The following TRPM4 variants were observed in gnomAD, a reference collection of about 807,000 sequenced individuals.
TRPM4 encodes the protein calcium-activated non-selective cation channel 1.
Under a neutral mutation model 135.6 loss-of-function variants are expected in TRPM4, and 124 were observed. The observed-to-expected ratio is 0.91, with a 90% CI of 0.79 to 1.06. The LOEUF (loss-of-function observed/expected upper bound fraction) is 1.06, where lower values mean the gene tolerates loss of function less well. TRPM4 is among the 50% of genes least tolerant of loss of function. The probability of loss-of-function intolerance (pLI) is 0.00; values close to 1 mark genes in which losing one functional copy is unlikely to be tolerated. For synonymous variants in TRPM4, 745 were observed against 705.6 expected, an observed-to-expected ratio of 1.06 and a Z score of -0.88; for missense variants, 1,658 against 1,671.4, an observed-to-expected ratio of 0.99 and a Z score of 0.14.
At chr19:49,176,577 G>A (rs1252038748) in intron 9 of TRPM4, among the ~76,000 whole-genome samples, 5 of 152,100 alleles carry the variant, frequency 3.3e-5, no homozygotes, top group African/African-American at 4.8e-5. Context: ...AGCTTGGGCC[G>A]GGTACAGTGG....
In TRPM4 at chr19:49,168,723, G is replaced by A. The variant is rs111930830; in HGVS notation, c.783G>A (p.Lys261=). 27,231 of 1,591,836 alleles carry A rather than the reference G, an allele frequency of 0.017. 376 individuals carry two copies. The highest frequency in any genetic ancestry group is 0.035 in the South Asian group (3,096 of 88,130). The part of the protein sequence containing the change: ...LRLESYISQQ[K]TGVGGTGIDI... ...TGGAGTCCTACATCTCACAGCAGAA[G>A]ACGGGCGTGGGAGGTGAGTGGTCGA... Residue 261 remains lysine, a synonymous_variant, in exon 6 of 25, where the codon AAG becomes AAA. Transcript: ENST00000252826.
intron 20 of TRPM4, among the ~76,000 whole-genome samples, chr19:49,203,229 G>T (rs1052502386): frequency 6.6e-6 from 1 of 150,868 alleles, no homozygotes; most frequent in African/African-American, 2.4e-5. Context: ...GCCCAGGCTG[G>T]AGTGCAATGG....
At chr19:49,200,484 G>A (rs1968878218) in intron 18 of TRPM4, 52 bp downstream of exon 18, 3 of 1,416,598 alleles carry the variant, frequency 2.1e-6, no homozygotes, top group South Asian at 1.2e-5. Context: ...AAGGGGTGGG[G>A]CCAGGGAGGG....
rs200865924 is a variant in TRPM4 at position 49,183,095 on chromosome 19, C to G, written c.1626C>G (p.Asp542Glu). ...GFGESMYLLS[D>E]KATSPLSLDA... ...GCTGGCAGATGTATCTGCTCTCGGA[C>G]AAGGCCACCTCGCCGCTCTCGCTGG... is the stretch of plus-strand genomic sequence containing the variant. The change falls in exon 12 of 25, where the codon GAC becomes GAG. Residue 542 changes from aspartate (D) to glutamate (E), a missense_variant. Coordinates refer to ENST00000252826, the MANE Select transcript of TRPM4 (RefSeq NM_017636.4). 1 of 1,612,920 alleles carries G rather than the reference C, an allele frequency of 6.2e-7. No individual in the cohort carries two copies. Among genetic ancestry groups the G allele is most frequent in the East Asian group, 2.2e-5 (1 of 44,884 alleles).
intron 12 of TRPM4, among the ~76,000 whole-genome samples, chr19:49,186,861 GA>G (rs1968214321): frequency 6.8e-6 from 1 of 147,812 alleles, no homozygotes; most frequent in Admixed American, 6.8e-5. Flanking sequence ...CAACAAGAGT[GA>G]AACTCCGTCT....
chr19:49,200,546 T>C (rs1024017870), intron 18 of TRPM4, 65 bp from the exon 19 acceptor site: 48 of 1,598,824 alleles, frequency 3.0e-5, no homozygotes, highest in Non-Finnish European at 3.8e-5. Context: ...GGCGTGTTTT[T>C]GGGATATAGG....
intron 17 of TRPM4, among the ~76,000 whole-genome samples, 191 bp downstream of exon 17, chr19:49,197,065 C>A (rs1316628663): frequency 6.6e-6 from 1 of 152,220 alleles, no homozygotes; most frequent in East Asian, 1.9e-4. Flanking sequence ...ACCTGGAGAT[C>A]TGGCTTCAGG....
At chr19:49,203,709 G>A (rs547105546) in intron 20 of TRPM4, among the ~76,000 whole-genome samples, 290 of 152,268 alleles carry the variant, frequency 1.9e-3, no homozygotes, top group South Asian at 5.2e-3. Context: ...GGAATTATGC[G>A]ATATTTGTCT....
chr19:49,162,684 G>T (rs552457105), intron 2 of TRPM4, among the ~76,000 whole-genome samples: 1 of 152,130 alleles, frequency 6.6e-6, no homozygotes, highest in Non-Finnish European at 1.5e-5. Flanking sequence ...TTTTGGAAAC[G>T]TTCTATGTCT....
intron 6 of TRPM4, among the ~76,000 whole-genome samples, chr19:49,170,048 T>C (rs989325101): frequency 5.9e-5 from 9 of 152,198 alleles, no homozygotes; most frequent in Non-Finnish European, 1.2e-4. Flanking sequence ...AAATAGGTAC[T>C]TTTGTCCCTT....
chr19:49,181,722 C>T (rs1283143105), intron 10 of TRPM4, among the ~76,000 whole-genome samples: 8 of 151,676 alleles, frequency 5.3e-5, no homozygotes, highest in Non-Finnish European at 1.0e-4. Context: ...TTAGTAGAGA[C>T]GGGGTTTCAC....
At chr19:49,175,770 C>T (rs1396017166) in intron 9 of TRPM4, among the ~76,000 whole-genome samples, 1 of 150,212 alleles carries the variant, frequency 6.7e-6, no homozygotes, top group African/African-American at 2.5e-5. Context: ...ACGCCATTCT[C>T]CTCCCTCAGC....
chr19:49,188,757 G>A lies in TRPM4; in HGVS notation c.1860G>A (p.Glu620=). Residue 620 remains glutamate, a synonymous_variant, in exon 13 of 25, where the codon GAG becomes GAA. Transcript: ENST00000252826. ...GGAAAGACCTGGCGTTCAAGTTTGA[G>A]GGGATGGGCGTTGGTGCGTGGGGCA... is the stretch of plus-strand genomic sequence containing the variant. ...ARRKDLAFKF[E]GMGVDLFGEC... 1.9e-6 allele frequency: 3 copies of A among 1,614,186 alleles called. No homozygotes were observed. The highest frequency in any genetic ancestry group is 1.7e-4 in the Middle Eastern group (1 of 6,046).
Position 49,211,498 on chromosome 19 carries a change from A to T in TRPM4, c.3645A>T (p.Ter1215CysextTer19). 6.2e-7 allele frequency: 1 copy of T among 1,613,846 alleles called. No individual in the cohort carries two copies. The highest frequency in any genetic ancestry group is 8.5e-7 in the Non-Finnish European group (1 of 1,179,984). Residue 1215 changes from the stop codon to cysteine, a stop_lost, in exon 25 of 25, where the codon TGA (stop) becomes TGT (cysteine). Coordinates refer to ENST00000252826, the MANE Select transcript of TRPM4 (RefSeq NM_017636.4). This position sits in a 1 kb window ranked among gnomAD's most constrained non-coding sequence, Gnocchi z 4.8. Reference protein sequence around the residue: ...PPPDLPGSKD* With the variant: ...PPPDLPGSKDC ...CTCTTTTCTCTCTTCCCCCAGACTG[A>T]GCCCTGCTGGCGGACTTCAAGGAGA...
intron 6 of TRPM4, among the ~76,000 whole-genome samples, chr19:49,169,616 C>T (rs1463098226): frequency 1.3e-5 from 2 of 150,968 alleles, no homozygotes; most frequent in Admixed American, 6.6e-5. Context: ...GAGGTTTCAC[C>T]TTGTTGGCTA....
chr19:49,177,561 C>CGG, intron 9 of TRPM4, among the ~76,000 whole-genome samples: 1 of 151,904 alleles, frequency 6.6e-6, no homozygotes, highest in Non-Finnish European at 1.5e-5. Context: ...CTTCTGACCT[C>CGG]GTGATCTGCC....
intron 20 of TRPM4, among the ~76,000 whole-genome samples, chr19:49,204,098 C>G (rs1042832599): frequency 6.6e-6 from 1 of 152,182 alleles, no homozygotes; most frequent in African/African-American, 2.4e-5. Flanking sequence ...CCAGCCTGGG[C>G]AACAGAGCGA....
At chr19:49,172,507 C>T (rs1967502741) in intron 9 of TRPM4, among the ~76,000 whole-genome samples, 1 of 151,944 alleles carries the variant, frequency 6.6e-6, no homozygotes, top group South Asian at 2.1e-4. Flanking sequence ...CGTCTTCTCA[C>T]CTGTCCATCC....
chr19:49,210,350 A>G lies in TRPM4; in HGVS notation c.3273A>G (p.Gln1091=), dbSNP rs1969303939. The G allele has an allele frequency of 1.2e-6, 2 of 1,614,016 alleles. No homozygotes were observed. Among genetic ancestry groups the G allele is most frequent in the African/African-American group, 2.7e-5 (2 of 74,926 alleles). ...VISHLRLLLR[Q]LCRRPRSPQP... is the part of the protein sequence containing the mutation. ...CCCACTTGCGCCTCCTGCTCAGGCA[A>G]TTGTGCAGGCGACCCCGGAGCCCCC... Residue 1091 remains glutamine (Q), a synonymous_variant, in exon 21 of 25, where the codon CAA becomes CAG. Coordinates refer to ENST00000252826, the MANE Select transcript of TRPM4 (RefSeq NM_017636.4). This position sits in a 1 kb window ranked among gnomAD's most constrained non-coding sequence, Gnocchi z 4.1.
Sources: allele counts gnomAD v4.1 joint callset (sites outside exome capture counted in the v4.1 genomes callset), GRCh38; gene constraint gnomAD v4.1.1; non-coding constraint Gnocchi (gnomAD v3.1); transcripts MANE v1.5; gene names NCBI Gene and HGNC (gene_info 2026-07-23, HGNC 2026-07-21).